CHPT1: variants seen among roughly 807,000 people sequenced by gnomAD.
The protein encoded by CHPT1 is choline phosphotransferase 1.
Under a neutral mutation model 47.6 loss-of-function variants are expected in CHPT1, and 36 were observed. The ratio of observed to expected loss-of-function variants is 0.76; its 90% CI spans 0.58 to 1.00. The LOEUF (loss-of-function observed/expected upper bound fraction) is 1.00. Ranked by LOEUF, CHPT1 falls within the 50% of genes least tolerant of loss-of-function variation. The pLI, the probability that CHPT1 is intolerant of heterozygous loss-of-function variation, is 0.00. For missense variants in CHPT1, 458 were observed against 498.1 expected, an observed-to-expected ratio of 0.92 and a Z score of 0.77; for synonymous variants, 194 against 186.3, an observed-to-expected ratio of 1.04 and a Z score of -0.33.
intron 1 of CHPT1, among the ~76,000 whole-genome samples, chr12:101,711,143 A>G (rs1951697062): frequency 6.7e-6 from 1 of 148,448 alleles, no homozygotes; most frequent in African/African-American, 2.4e-5. Context: ...AATAAACTCA[A>G]AATGGATAAA....
chr12:101,710,882 C>T (rs1369229424), intron 1 of CHPT1, among the ~76,000 whole-genome samples: 2 of 148,722 alleles, frequency 1.3e-5, no homozygotes, highest in Admixed American at 1.4e-4. Flanking sequence ...ATTTTAATAA[C>T]TTCAATGTCC....
chr12:101,710,823 A>G (rs1051343684), intron 1 of CHPT1, among the ~76,000 whole-genome samples: 1 of 148,944 alleles, frequency 6.7e-6, no homozygotes, highest in African/African-American at 2.4e-5. Context: ...CAGTATAAAG[A>G]GTTACATAGA....
chr12:101,700,222 G>A (rs952426248), intron 1 of CHPT1, among the ~76,000 whole-genome samples: 1 of 151,776 alleles, frequency 6.6e-6, no homozygotes, highest in Non-Finnish European at 1.5e-5. Context: ...AAAGAGCAGG[G>A]CTTACCAAAA....
chr12:101,717,092 CA>C (rs1951774801), intron 4 of CHPT1: 1 of 391,624 alleles, frequency 2.6e-6, no homozygotes, highest in African/African-American at 2.1e-5. Flanking sequence ...AAAACAACAA[CA>C]AAAAACACAC....
chr12:101,708,147 G>A (rs908408960), intron 1 of CHPT1, among the ~76,000 whole-genome samples: 2 of 152,110 alleles, frequency 1.3e-5, no homozygotes, highest in Non-Finnish European at 1.5e-5. Flanking sequence ...GCTTCTATAC[G>A]ATAGTTACAG....
At chr12:101,704,078 A>G (rs1951594563) in intron 1 of CHPT1, among the ~76,000 whole-genome samples, 1 of 152,182 alleles carries the variant, frequency 6.6e-6, no homozygotes, top group South Asian at 2.1e-4. Context: ...TGTTTGGATA[A>G]TTGAAATCTT....
At position 101,716,723 on chromosome 12, in the gene CHPT1, T is replaced by C. The variant is rs377435526; in HGVS notation, c.564-5T>C. ...CCTTATCTATTCTTTGTCCTTCCTCTTTAGAGTGGATGTAACTGAAATTCA... is the reference window on the plus strand; with the variant it reads ...CCTTATCTATTCTTTGTCCTTCCTCCTTAGAGTGGATGTAACTGAAATTCA... On this transcript the variant is annotated splice_polypyrimidine_tract_variant and splice_region_variant and intron_variant, in intron 3 of 8. Transcript: ENST00000229266. The C allele has an allele frequency of 1.4e-5, 22 of 1,588,938 alleles. No individual in the cohort carries two copies. Among genetic ancestry groups the C allele is most frequent in the Non-Finnish European group, 1.6e-5 (19 of 1,166,726 alleles).
chr12:101,702,817 C>G (rs1951572835), intron 1 of CHPT1, among the ~76,000 whole-genome samples: 1 of 152,054 alleles, frequency 6.6e-6, no homozygotes, highest in Non-Finnish European at 1.5e-5. Context: ...CTCCAGATTT[C>G]CAGGAGATAG....
chr12:101,720,563 GGAATGTAT>G (rs1954094027), intron 5 of CHPT1, among the ~76,000 whole-genome samples: 1 of 152,120 alleles, frequency 6.6e-6, no homozygotes, highest in African/African-American at 2.4e-5. Context: ...GAAAGGGTAG[GGAATGTAT>G]GAGTTCCTGA....
intron 8 of CHPT1, 185 bp downstream of exon 8, chr12:101,726,589 GTATCATCA>G (rs1314340413): frequency 1.3e-6 from 1 of 748,704 alleles, no homozygotes; most frequent in Non-Finnish European, 1.9e-6. Flanking sequence ...AGCCCCCATT[GTATCATCA>G]TTTTTTATCA....
rs748482566 is a variant in CHPT1 at position 101,697,952 on chromosome 12, G to C, written c.91G>C (p.Glu31Gln). The change falls in exon 1 of 9, where the codon GAG (glutamate) becomes CAG (glutamine). Residue 31 changes from glutamate (E) to glutamine (Q), a missense_variant. Coordinates refer to ENST00000229266, the MANE Select transcript of CHPT1 (RefSeq NM_020244.3). ...CGCGGCGCAGCTGCGGCGACTGGAGGAGCACCGCTACAGCGCGGCGGGCGT... is the reference window on the plus strand; with the variant it reads ...CGCGGCGCAGCTGCGGCGACTGGAGCAGCACCGCTACAGCGCGGCGGGCGT... ...LSAAQLRRLE[E>Q]HRYSAAGVSL... 24 of 1,544,010 alleles carry C rather than the reference G, an allele frequency of 1.6e-5. No individual in the cohort carries two copies. Among genetic ancestry groups the C allele is most frequent in the Middle Eastern group, 2.0e-4 (1 of 5,038 alleles).
At position 101,698,098 on chromosome 12, in the gene CHPT1, C is replaced by T. The variant is rs761682330; in HGVS notation, c.237C>T (p.Leu79=). The T allele has an allele frequency of 9.0e-6, 14 of 1,555,142 alleles. No homozygotes were observed. Among genetic ancestry groups the T allele is most frequent in the East Asian group, 5.1e-5 (2 of 39,092 alleles). ...LGLAVNVVTT[L]VLISYCPTAT... is the part of the protein sequence containing the mutation. ...TCGCCGTCAACGTGGTCACCACGCT[C>T]GTGCTCATCTCCTACTGTCCCACGG... Residue 79 remains leucine (L), a synonymous_variant, in exon 1 of 9, where the codon CTC becomes CTT. Coordinates refer to ENST00000229266, the MANE Select transcript of CHPT1 (RefSeq NM_020244.3).
chr12:101,704,497 G>C (rs896756605), intron 1 of CHPT1, among the ~76,000 whole-genome samples: 6 of 151,582 alleles, frequency 4.0e-5, no homozygotes, highest in Non-Finnish European at 7.4e-5. Context: ...CGCCTCCTGG[G>C]TTCAAGTGAT....
intron 7 of CHPT1, among the ~76,000 whole-genome samples, chr12:101,725,798 C>G (rs1332243335): frequency 6.6e-6 from 1 of 152,132 alleles, no homozygotes; most frequent in Non-Finnish European, 1.5e-5. Flanking sequence ...ACTGTAGACT[C>G]TGGGCAAAGT....
At chr12:101,700,754 C>T (rs1222183336) in intron 1 of CHPT1, among the ~76,000 whole-genome samples, 2 of 152,210 alleles carry the variant, frequency 1.3e-5, no homozygotes, top group African/African-American at 4.8e-5. Flanking sequence ...CCGCTTCCTA[C>T]AATGGCCCTC....
chr12:101,726,163 T>A (rs1488000694), intron 7 of CHPT1, 131 bp from the exon 8 acceptor site: 2 of 635,680 alleles, frequency 3.1e-6, no homozygotes, highest in Admixed American at 5.7e-5. Context: ...TGTATTAAAG[T>A]GCTTTAAAAT....
At chr12:101,702,019 A>G (rs1951560884) in intron 1 of CHPT1, among the ~76,000 whole-genome samples, 1 of 152,046 alleles carries the variant, frequency 6.6e-6, no homozygotes, top group South Asian at 2.1e-4. Flanking sequence ...TCTGAACATC[A>G]CCCTAAGTAG....
intron 1 of CHPT1, among the ~76,000 whole-genome samples, chr12:101,709,622 A>G (rs1951679110): frequency 6.7e-6 from 1 of 148,712 alleles, no homozygotes; most frequent in Non-Finnish European, 1.5e-5. Context: ...GGCCTTGGGA[A>G]GACTGGGAAA....
intron 5 of CHPT1, among the ~76,000 whole-genome samples, chr12:101,722,707 TAAAAAAA>T (rs10605402): frequency 0.015 from 1,738 of 113,792 alleles, 37 homozygotes; most frequent in African/African-American, 0.049. Context: ...CACAAAAAAT[TAAAAAAA>T]AAAAAAAAAA....
Sources: allele counts gnomAD v4.1 joint callset (sites outside exome capture counted in the v4.1 genomes callset), GRCh38; gene constraint gnomAD v4.1.1; transcripts MANE v1.5; gene names NCBI Gene and HGNC (gene_info 2026-07-23, HGNC 2026-07-21).